The following HERC1 variants were observed in gnomAD, a reference collection of about 807,000 sequenced individuals.
HERC1 encodes the protein probable E3 ubiquitin-protein ligase HERC1.
A neutral mutation model predicts 554.3 loss-of-function variants in HERC1; 160 were observed. The ratio of observed to expected loss-of-function variants is 0.29; its 90% CI spans 0.25 to 0.33. The LOEUF is 0.33. HERC1 is among the 10% of genes least tolerant of loss of function. HERC1 has a pLI of 1.00. For missense variants in HERC1, 4,919 were observed against 5,918.5 expected, an observed-to-expected ratio of 0.83 and a Z score of 5.54; for synonymous variants, 2,175 against 2,131.7, an observed-to-expected ratio of 1.02 and a Z score of -0.56.
intron 7 of HERC1, 39 bp downstream of exon 7, chr15:63,754,465 GA>G: frequency 6.6e-7 from 1 of 1,516,270 alleles, no homozygotes; most frequent in Non-Finnish European, 8.8e-7. Flanking sequence ...AAAAACTCAA[GA>G]AAAAAGCCAA....
At chr15:63,715,952 G>T (rs145469037) in intron 22 of HERC1, among the ~76,000 whole-genome samples, 1 of 152,118 alleles carries the variant, frequency 6.6e-6, no homozygotes, top group Non-Finnish European at 1.5e-5. Context: ...CTTCCTCACC[G>T]CTCAGACGTC....
intron 1 of HERC1, among the ~76,000 whole-genome samples, chr15:63,791,104 T>C (rs552847317): frequency 1.4e-4 from 21 of 152,318 alleles, no homozygotes; most frequent in Non-Finnish European, 2.8e-4. Flanking sequence ...GTTTGTCCTT[T>C]CCTCGGACAT....
At chr15:63,620,390 T>C (rs1306862452) in intron 74 of HERC1, among the ~76,000 whole-genome samples, 2 of 151,910 alleles carry the variant, frequency 1.3e-5, no homozygotes, top group Admixed American at 6.6e-5. Context: ...CTTTTACATT[T>C]GCTGAGGAGT....
chr15:63,701,019 T>A (rs979874632), intron 25 of HERC1, among the ~76,000 whole-genome samples: 6 of 151,914 alleles, frequency 3.9e-5, no homozygotes, highest in African/African-American at 1.4e-4. Context: ...TTGAACTTGT[T>A]TTTTGGGGGG....
intron 43 of HERC1, among the ~76,000 whole-genome samples, chr15:63,664,124 C>G (rs1364778645): frequency 1.3e-5 from 2 of 152,186 alleles, no homozygotes; most frequent in African/African-American, 4.8e-5. Flanking sequence ...GTGCCCTTTC[C>G]AGCTCCTTCT....
In HERC1 at chr15:63,716,371, G is replaced by C. The variant is rs758755867; in HGVS notation, c.4081C>G (p.Arg1361Gly). ...AEMEEQAERD[R>G]EEGHPEPEDE... ...TCTGGCTCCGGATGCCCCTCTTCCC[G>C]GTCTCTCTCAGCCTGTTCTTCCATT... Residue 1361 changes from arginine (R) to glycine (G), a missense_variant, in exon 22 of 78, where the codon CGG becomes GGG. Physicochemically the swap from Arg to Gly is moderately radical, Grantham distance 125. This residue lies in a region of HERC1 where 1,121 missense variants were observed against 1,244.0 expected (regional missense o/e 0.90). Transcript: ENST00000443617. 43 of 1,613,382 alleles carry C rather than the reference G, an allele frequency of 2.7e-5. No homozygotes were observed. The highest frequency in any genetic ancestry group is 3.6e-5 in the Non-Finnish European group (43 of 1,179,760).
At chr15:63,807,345 A>C (rs1414414255) in intron 1 of HERC1, among the ~76,000 whole-genome samples, 2 of 152,052 alleles carry the variant, frequency 1.3e-5, no homozygotes. Flanking sequence ...GAAGTAAAAG[A>C]AATTGGGGTT....
In HERC1 at chr15:63,686,351, C is replaced by G. The variant is rs1458224780; in HGVS notation, c.6225+8G>C. On this transcript the variant is annotated splice_region_variant and intron_variant, in intron 34 of 77. Coordinates refer to ENST00000443617, the MANE Select transcript of HERC1 (RefSeq NM_003922.4). ...AAAATGCTAAAAACTATTAGATTTT[C>G]TACGTACCTTCCACTGATAGCACCC... The G allele has an allele frequency of 6.3e-7, 1 of 1,581,662 alleles. No homozygotes were observed. Among genetic ancestry groups the G allele is most frequent in the Admixed American group, 1.9e-5 (1 of 51,386 alleles).
chr15:63,682,488 A>G (rs1008601230), intron 34 of HERC1, among the ~76,000 whole-genome samples: 1 of 152,106 alleles, frequency 6.6e-6, no homozygotes, highest in Non-Finnish European at 1.5e-5. Context: ...GACAGCTTTG[A>G]GTGTGGGTGC....
At position 63,612,894 on chromosome 15, in the gene HERC1, A is replaced by T. The variant is rs985883586; in HGVS notation, c.14095-338T>A. Among the ~76,000 whole-genome samples the T allele has an allele frequency of 1.3e-5, 2 of 152,214 alleles. No homozygotes were observed. Among genetic ancestry groups the T allele is most frequent in the Non-Finnish European group, 2.9e-5 (2 of 68,034 alleles). Reference sequence around the variant, plus strand: ...CTCATATTCCTAATCATATGTGCCCATGTGCTGTCAAACTATGCATGTGTG... The same window carrying T: ...CTCATATTCCTAATCATATGTGCCCTTGTGCTGTCAAACTATGCATGTGTG... On this transcript the variant is annotated intron_variant, in intron 76 of 77. Transcript: ENST00000443617. The surrounding 1 kb of genome is among the most constrained non-coding windows in gnomAD (Gnocchi z 5.0).
At position 63,672,583 on chromosome 15, in the gene HERC1, T is replaced by A; in HGVS notation, c.7958A>T (p.Asp2653Val). 6.2e-7 allele frequency: 1 copy of A among 1,611,858 alleles called. No homozygotes were observed. The highest frequency in any genetic ancestry group is 8.5e-7 in the Non-Finnish European group (1 of 1,179,012). The change falls in exon 39 of 78, where the codon GAC becomes GTC. Residue 2653 changes from aspartate to valine, a missense_variant. Transcript: ENST00000443617. ...TTSFMSSSLEDTTTATTPVTD... is the reference protein window; with the variant it reads ...TTSFMSSSLEVTTTATTPVTD... Reference sequence around the variant, plus strand: ...GACTGGAGTGGTGGCAGTTGTGGTGTCCTCCAGAGAGCTGCTCATAAAGGA... The same window carrying A: ...GACTGGAGTGGTGGCAGTTGTGGTGACCTCCAGAGAGCTGCTCATAAAGGA...
intron 1 of HERC1, among the ~76,000 whole-genome samples, chr15:63,803,144 A>G (rs1468609698): frequency 6.6e-6 from 1 of 152,228 alleles, no homozygotes; most frequent in African/African-American, 2.4e-5. Flanking sequence ...GGCTGCAGTG[A>G]GCCATAATTG....
intron 55 of HERC1, among the ~76,000 whole-genome samples, chr15:63,646,182 C>G (rs143353864): frequency 9.3e-4 from 141 of 152,202 alleles, no homozygotes; most frequent in African/African-American, 3.4e-3. Context: ...CTTCTAACTC[C>G]TGGTTTCATG....
chr15:63,701,079 A>G (rs2072695965), intron 25 of HERC1, among the ~76,000 whole-genome samples: 1 of 151,928 alleles, frequency 6.6e-6, no homozygotes, highest in Non-Finnish European at 1.5e-5. Flanking sequence ...TCTTCTAGTT[A>G]CTAATACTTA....
chr15:63,792,293 G>A (rs545702636), intron 1 of HERC1, among the ~76,000 whole-genome samples: 8 of 152,206 alleles, frequency 5.3e-5, no homozygotes, highest in African/African-American at 1.4e-4. Context: ...AATAATCTCC[G>A]AAGTCCTTTC....
intron 1 of HERC1, among the ~76,000 whole-genome samples, chr15:63,799,047 T>G (rs1196833977): frequency 6.6e-6 from 1 of 152,238 alleles, no homozygotes; most frequent in Non-Finnish European, 1.5e-5. Context: ...GTTTCAGAAC[T>G]AGGTCATACT....
chr15:63,705,645 T>A lies in HERC1; in HGVS notation c.4636+1135A>T, dbSNP rs552817340. ...AAAGATTTAATATCATGAAAAAAAATTTTTTCACAGGCTTTTAGAAAACTG... is the reference window on the plus strand; with the variant it reads ...AAAGATTTAATATCATGAAAAAAAAATTTTTCACAGGCTTTTAGAAAACTG... On this transcript the variant is annotated intron_variant, in intron 25 of 77. Transcript: ENST00000443617. Among the ~76,000 whole-genome samples the A allele has an allele frequency of 2.6e-5, 4 of 151,984 alleles. No individual in the cohort carries two copies. The South Asian group carries it at 6.2e-4, about 24-fold the overall frequency.
At position 63,680,819 on chromosome 15, in the gene HERC1, T is replaced by C; in HGVS notation, c.6226-43A>G. On this transcript the variant is annotated intron_variant, in intron 34 of 77. Transcript: ENST00000443617. This position sits in a 1 kb window ranked among gnomAD's most constrained non-coding sequence, Gnocchi z 5.8. ...TATTCATTAATACTCAAAAAATCTA[T>C]TTATATACTATTAACTGCATTAACC... 7.3e-7 allele frequency: 1 copy of C among 1,377,486 alleles called. No individual in the cohort carries two copies. The highest frequency in any genetic ancestry group is 1.2e-5 in the South Asian group (1 of 85,330). The allele number at this position is 1,377,486 out of a possible 1,614,324, so 85.3% of individuals were successfully genotyped here. A position where few individuals can be genotyped will look rare whatever the true frequency, so the allele number is the denominator to read the frequency against.
intron 1 of HERC1, among the ~76,000 whole-genome samples, chr15:63,819,408 A>T (rs773147550): frequency 6.6e-6 from 1 of 152,234 alleles, no homozygotes; most frequent in African/African-American, 2.4e-5. Flanking sequence ...AAAAACTATA[A>T]ATAAATGTAA....
Sources: allele counts gnomAD v4.1 joint callset (sites outside exome capture counted in the v4.1 genomes callset), GRCh38; gene constraint gnomAD v4.1.1; regional missense constraint gnomAD v4.1.1; non-coding constraint Gnocchi (gnomAD v3.1); transcripts MANE v1.5; gene names NCBI Gene and HGNC (gene_info 2026-07-23, HGNC 2026-07-21).